The following TM2D3 variants were observed in gnomAD, a reference collection of about 807,000 sequenced individuals.
TM2D3 encodes the protein TM2 domain containing 3, also known as TM2 domain-containing protein 3.
TM2D3 carries 33 observed loss-of-function variants against 27.3 expected under a neutral mutation model. That is an observed-to-expected ratio of 1.21 (90% CI 0.92 to 1.61). The LOEUF (loss-of-function observed/expected upper bound fraction) is 1.61. TM2D3 is among the 40% of genes most tolerant of loss of function. The pLI is 0.00. For missense variants in TM2D3, 364 were observed against 320.8 expected, an observed-to-expected ratio of 1.13 and a Z score of -1.03; for synonymous variants, 138 against 122.2, an observed-to-expected ratio of 1.13 and a Z score of -0.85.
At chr15:101,650,285 T>A in intron 2 of TM2D3, 124 bp from the exon 3 acceptor site, 1 of 1,008,716 alleles carries the variant, frequency 9.9e-7, no homozygotes, top group Non-Finnish European at 1.4e-6. Context: ...GGAAGAAGCA[T>A]GGGACTGGAG....
intron 2 of TM2D3, 140 bp downstream of exon 2, chr15:101,651,556 C>G: frequency 1.2e-6 from 1 of 842,744 alleles, no homozygotes; most frequent in Non-Finnish European, 1.9e-6. Context: ...TGTATCTACC[C>G]TTAATTCACA....
At chr15:101,645,675 A>G (rs138610474) in intron 4 of TM2D3, 1 of 152,420 alleles carries the variant, frequency 6.6e-6, no homozygotes, top group Non-Finnish European at 1.5e-5. Context: ...ACAACTTTCA[A>G]AAGAAAATGT....
At chr15:101,639,572 G>C (rs978703802), downstream of TM2D3, among the ~76,000 whole-genome samples, 2 of 151,320 alleles carry the variant, frequency 1.3e-5, no homozygotes, top group African/African-American at 4.9e-5. Context: ...TCTGGCATAA[G>C]GCATTAAAAA....
chr15:101,646,869 T>A lies in TM2D3; in HGVS notation c.358A>T (p.Ile120Phe). 6.2e-7 allele frequency: 1 copy of A among 1,614,214 alleles called. No homozygotes were observed. Among genetic ancestry groups the A allele is most frequent in the South Asian group, 1.1e-5 (1 of 91,082 alleles). Residue 120 changes from isoleucine to phenylalanine, a missense_variant, in exon 4 of 6, where the codon ATC becomes TTC. Physicochemically the swap from Ile to Phe is conservative, Grantham distance 21. Transcript: ENST00000333202. ...CAAAATCTGCAAGTCATGTTAATGATGAAGTTCTTTTGGGATTTGAAGTCT... is the reference window on the plus strand; with the variant it reads ...CAAAATCTGCAAGTCATGTTAATGAAGAAGTTCTTTTGGGATTTGAAGTCT... ...DQDFKSQKNFIINMTCRFCWQ... is the reference protein window; with the variant it reads ...DQDFKSQKNFFINMTCRFCWQ...
intron 5 of TM2D3, 107 bp from the exon 6 acceptor site, chr15:101,642,751 G>C (rs1347004414): frequency 1.0e-5 from 9 of 883,932 alleles, no homozygotes; most frequent in Non-Finnish European, 1.4e-5. Flanking sequence ...GGCTTCCCCT[G>C]ATCGTAGCCC....
chr15:101,633,519 G>A (rs1896492077), exon 5 of TM2D3: 1 of 524,378 alleles, frequency 1.9e-6, no homozygotes, highest in Admixed American at 3.5e-5. Context: ...CACAGATTTT[G>A]CAATGTGTTC....
chr15:101,650,071 T>C lies in TM2D3; in HGVS notation c.260A>G (p.Asn87Ser), dbSNP rs764687650. Reference sequence around the variant, plus strand: ...AGGCTTCCCATAGGTACAGGAGAAATTTGTTGTGCAGTCTATACAGTCTGC... The same window carrying C: ...AGGCTTCCCATAGGTACAGGAGAAACTTGTTGTGCAGTCTATACAGTCTGC... ...LPADCIDCTT[N>S]FSCTYGKPVT... Residue 87 changes from asparagine (N) to serine (S), a missense_variant, in exon 3 of 6, where the codon AAT becomes AGT. Transcript: ENST00000333202. The C allele has an allele frequency of 9.3e-6, 15 of 1,614,014 alleles. No homozygotes were observed. The highest frequency in any genetic ancestry group is 1.3e-5 in the African/African-American group (1 of 74,902).
In TM2D3 at chr15:101,642,470, A is replaced by AC. The variant is rs1567310542; in HGVS notation, c.*8dup. The AC allele has an allele frequency of 6.3e-7, 1 of 1,599,792 alleles. No individual in the cohort carries two copies. On this transcript the variant is annotated 3_prime_UTR_variant, in exon 6 of 6. Coordinates refer to ENST00000333202, the MANE Select transcript of TM2D3 (RefSeq NM_078474.3). ...TAAGCCCTGCTCCTTTCTGAAGCAC[A>AC]CACCACAGCTAAATGTACAAAGAGC...
chr15:101,650,683 A>G (rs904281419), intron 2 of TM2D3: 1 of 152,262 alleles, frequency 6.6e-6, no homozygotes, highest in African/African-American at 2.4e-5. Flanking sequence ...TGGTACTTCG[A>G]TAAGCCACAT....
chr15:101,646,567 TAGTACGTTG>T (rs1284374944), intron 4 of TM2D3, 149 bp downstream of exon 4: 9 of 707,958 alleles, frequency 1.3e-5, no homozygotes, highest in Non-Finnish European at 2.2e-5. Flanking sequence ...TGCTTTACTT[TAGTACGTTG>T]AGTTTATTGA....
At chr15:101,648,935 AAC>A (rs1896894143) in intron 3 of TM2D3, among the ~76,000 whole-genome samples, 1 of 152,250 alleles carries the variant, frequency 6.6e-6, no homozygotes, top group Non-Finnish European at 1.5e-5. Flanking sequence ...GTGTAAGTTT[AAC>A]AGATATGGCA....
intron 3 of TM2D3, among the ~76,000 whole-genome samples, chr15:101,649,163 C>T (rs948974561): frequency 8.5e-5 from 13 of 152,326 alleles, no homozygotes; most frequent in Admixed American, 3.9e-4. Context: ...CTGCTCATGT[C>T]CTAACACTGT....
chr15:101,647,941 A>G (rs2141367272), intron 3 of TM2D3, among the ~76,000 whole-genome samples: 1 of 152,000 alleles, frequency 6.6e-6, no homozygotes. Flanking sequence ...TCTGTCGCCC[A>G]GGCTGGAATG....
intron 3 of TM2D3, among the ~76,000 whole-genome samples, chr15:101,647,403 C>T (rs1441268911): frequency 3.3e-5 from 5 of 152,138 alleles, no homozygotes; most frequent in Admixed American, 1.3e-4. Flanking sequence ...GCCTTGCTTC[C>T]GAGTTGCCAA....
chr15:101,635,894 C>T (rs1896541415), intron 4 of TM2D3: 2 of 152,096 alleles, frequency 1.3e-5, no homozygotes, highest in South Asian at 4.1e-4. Context: ...TGTGTTTCTT[C>T]CTGTCTTTCC....
chr15:101,636,907 G>T, downstream of TM2D3: 1 of 441,996 alleles, frequency 2.3e-6, no homozygotes, highest in Non-Finnish European at 4.5e-6. Flanking sequence ...GCAGTGGTGT[G>T]GTCACAGTGT....
intron 3 of TM2D3, among the ~76,000 whole-genome samples, chr15:101,648,849 A>G (rs1296622787): frequency 2.6e-5 from 4 of 152,252 alleles, no homozygotes; most frequent in Non-Finnish European, 5.9e-5. Context: ...AAGCACACTT[A>G]TCTGCATCCA....
intron 5 of TM2D3, 140 bp downstream of exon 5, chr15:101,644,947 C>A: frequency 2.6e-6 from 2 of 764,176 alleles, no homozygotes; most frequent in South Asian, 1.6e-5. Context: ...CATCTAAACT[C>A]TTCCAGCTGT....
intron 3 of TM2D3, among the ~76,000 whole-genome samples, chr15:101,648,039 A>C (rs1184584398): frequency 6.6e-6 from 1 of 152,080 alleles, no homozygotes; most frequent in Non-Finnish European, 1.5e-5. Flanking sequence ...CTGGGATTAG[A>C]GACGCACCCC....
Sources: gnomAD v4.1 joint callset for allele counts (sites outside exome capture counted in the v4.1 genomes callset) on GRCh38, gnomAD v4.1.1 for gene constraint, MANE v1.5 for transcripts, NCBI Gene and HGNC (gene_info 2026-07-23, HGNC 2026-07-21) for gene names.